The following LMTK2 variants were observed in gnomAD, a reference collection of about 807,000 sequenced individuals.
The protein encoded by LMTK2 is lemur tail kinase 2.
A neutral mutation model predicts 127.5 loss-of-function variants in LMTK2; 37 were observed. The ratio of observed to expected loss-of-function variants is 0.29; its 90% CI spans 0.22 to 0.38. LMTK2 has a LOEUF of 0.38. LMTK2 is among the 10% of genes least tolerant of loss of function. The pLI is 1.00. For synonymous variants in LMTK2, 819 were observed against 810.1 expected, an observed-to-expected ratio of 1.01 and a Z score of -0.19; for missense variants, 1,694 against 1,920.3, an observed-to-expected ratio of 0.88 and a Z score of 2.20.
At chr7:98,203,463 C>T (rs1467328024) in intron 11 of LMTK2, 111 bp from the exon 12 acceptor site, 16 of 1,373,988 alleles carry the variant, frequency 1.2e-5, no homozygotes, top group Middle Eastern at 1.9e-4. Flanking sequence ...TGTCTTGAGA[C>T]GCTTACTTCT....
intron 4 of LMTK2, among the ~76,000 whole-genome samples, chr7:98,152,333 G>A (rs10270280): frequency 0.12 from 18,593 of 152,176 alleles, 1,739 homozygotes; most frequent in African/African-American, 0.26. Context: ...GGATTACATC[G>A]TAAGCAGGAT....
chr7:98,130,367 C>T (rs890804927), intron 1 of LMTK2, among the ~76,000 whole-genome samples: 1 of 152,190 alleles, frequency 6.6e-6, no homozygotes, highest in Non-Finnish European at 1.5e-5. Context: ...ATATAGCACA[C>T]TCTGTCCCCC....
In LMTK2 at chr7:98,191,592, T is replaced by G. The variant is rs1306269464; in HGVS notation, c.1149-22T>G. 3 of 1,534,946 alleles carry G rather than the reference T, an allele frequency of 2.0e-6. No individual in the cohort carries two copies. In the African/African-American group the frequency reaches 4.2e-5, roughly 21 times the overall value. Reference sequence around the variant, plus strand: ...AAAAAATTCGTGATGGTTCCACTGATTGCTTGTCGTGTGCTGCTCAGGTAT... The same window carrying G: ...AAAAAATTCGTGATGGTTCCACTGAGTGCTTGTCGTGTGCTGCTCAGGTAT... On this transcript the variant is annotated intron_variant, in intron 10 of 13. Coordinates refer to ENST00000297293, the MANE Select transcript of LMTK2 (RefSeq NM_014916.4).
intron 9 of LMTK2, among the ~76,000 whole-genome samples, chr7:98,187,466 CTT>C (rs979400558): frequency 6.8e-6 from 1 of 147,910 alleles, no homozygotes. Flanking sequence ...TGTTGTCCTG[CTT>C]TTTTTTTTCT....
intron 1 of LMTK2, among the ~76,000 whole-genome samples, chr7:98,123,162 G>A (rs1333349669): frequency 6.6e-6 from 1 of 152,150 alleles, no homozygotes. Flanking sequence ...CACATTGTGG[G>A]CTAATGTGCT....
intron 1 of LMTK2, among the ~76,000 whole-genome samples, chr7:98,122,907 C>G (rs1226323511): frequency 6.6e-6 from 1 of 151,970 alleles, no homozygotes; most frequent in African/African-American, 2.4e-5. Context: ...TTCCTGTTTC[C>G]TATCAGCTCT....
At chr7:98,154,247 C>G (rs1011892170) in intron 4 of LMTK2, among the ~76,000 whole-genome samples, 1 of 152,148 alleles carries the variant, frequency 6.6e-6, no homozygotes, top group African/African-American at 2.4e-5. Context: ...GGTAGGAGAT[C>G]AAGGCCGGGT....
Position 98,193,024 on chromosome 7 carries a change from T to C in LMTK2, c.2559T>C (p.Cys853=), listed in dbSNP as rs1413754515. Reference sequence around the variant, plus strand: ...TAGATGTTATTGTCCCGGAGGACTGTCTCCACCAGGACATCAGTCCAGACG... The same window carrying C: ...TAGATGTTATTGTCCCGGAGGACTGCCTCCACCAGGACATCAGTCCAGACG... ...TCLDVIVPED[C]LHQDISPDAV... is the part of the protein sequence containing the mutation. Residue 853 remains cysteine (C), a synonymous_variant, in exon 11 of 14, where the codon TGT becomes TGC. Coordinates refer to ENST00000297293, the MANE Select transcript of LMTK2 (RefSeq NM_014916.4). This position sits in a 1 kb window ranked among gnomAD's most constrained non-coding sequence, Gnocchi z 4.1. 10 of 1,613,726 alleles carry C rather than the reference T, an allele frequency of 6.2e-6. No homozygotes were observed. Among genetic ancestry groups the C allele is most frequent in the Non-Finnish European group, 7.6e-6 (9 of 1,179,870 alleles).
chr7:98,149,851 G>A (rs544383336), intron 3 of LMTK2, among the ~76,000 whole-genome samples: 13 of 152,284 alleles, frequency 8.5e-5, no homozygotes, highest in African/African-American at 2.9e-4. Context: ...AAGTCTAGCC[G>A]TGGACTGGGA....
In LMTK2 at chr7:98,192,080, G is replaced by A; in HGVS notation, c.1615G>A (p.Val539Ile). ...CCTGAGGGTCCCTGGAGTGGTTCCT[G>A]TTTTTGATGCCCACAACCTTTCTGT... ...VPLRVPGVVP[V>I]FDAHNLSVGS... The change falls in exon 11 of 14, where the codon GTT becomes ATT. Residue 539 changes from valine to isoleucine, a missense_variant. Transcript: ENST00000297293. 1 of 1,572,602 alleles carries A rather than the reference G, an allele frequency of 6.4e-7. No individual in the cohort carries two copies. Among genetic ancestry groups the A allele is most frequent in the Admixed American group, 1.9e-5 (1 of 53,376 alleles).
At chr7:98,131,788 C>T (rs1164820069) in intron 1 of LMTK2, among the ~76,000 whole-genome samples, 2 of 152,156 alleles carry the variant, frequency 1.3e-5, no homozygotes, top group Admixed American at 1.3e-4. Flanking sequence ...GTTTCCTGAT[C>T]CCTATTACCC....
chr7:98,114,530 C>T (rs1347964475), intron 1 of LMTK2, among the ~76,000 whole-genome samples: 2 of 152,276 alleles, frequency 1.3e-5, no homozygotes, highest in East Asian at 3.9e-4. Context: ...CAGGCATGAG[C>T]CACTGCACCT....
intron 3 of LMTK2, among the ~76,000 whole-genome samples, chr7:98,151,172 G>T (rs1396935208): frequency 6.6e-6 from 1 of 152,060 alleles, no homozygotes; most frequent in East Asian, 1.9e-4. Context: ...AATGCGCAAG[G>T]TATTAAAGAA....
chr7:98,152,793 A>C (rs1336462107), intron 4 of LMTK2, among the ~76,000 whole-genome samples: 3 of 152,150 alleles, frequency 2.0e-5, no homozygotes, highest in Non-Finnish European at 2.9e-5. Context: ...TCTGGAAGTC[A>C]TAGAGGGGGA....
chr7:98,192,556 G>A lies in LMTK2; in HGVS notation c.2091G>A (p.Glu697=), dbSNP rs768634549. ...KEKPRKIFDS[E]PLCLSDNLMH... ...AGCCCCGTAAGATTTTTGACAGTGA[G>A]CCTCTCTGCCTATCAGATAATCTTA... The change falls in exon 11 of 14, where the codon GAG becomes GAA. Residue 697 remains glutamate (E), a synonymous_variant. Transcript: ENST00000297293. The A allele has an allele frequency of 1.2e-6, 2 of 1,612,886 alleles. No homozygotes were observed. Among genetic ancestry groups the A allele is most frequent in the Non-Finnish European group, 8.5e-7 (1 of 1,179,806 alleles).
rs1005336088 is a variant in LMTK2 at position 98,194,787 on chromosome 7, G to A, written c.4107+215G>A. On this transcript the variant is annotated intron_variant, in intron 11 of 13. Coordinates refer to ENST00000297293, the MANE Select transcript of LMTK2 (RefSeq NM_014916.4). The surrounding 1 kb of genome is among the most constrained non-coding windows in gnomAD (Gnocchi z 5.4). Reference sequence around the variant, plus strand: ...GTATTAAATTAAGAGAAAGAGACCCGAATGCTCTTCCTGGGTCTTCTAATG... The same window carrying A: ...GTATTAAATTAAGAGAAAGAGACCCAAATGCTCTTCCTGGGTCTTCTAATG... 6.6e-6 allele frequency among the ~76,000 whole-genome samples: 1 copy of A among 152,166 alleles called. No individual in the cohort carries two copies. The highest frequency in any genetic ancestry group is 2.4e-5 in the African/African-American group (1 of 41,438).
chr7:98,194,539 T>C lies in LMTK2; in HGVS notation c.4074T>C (p.Phe1358=). ...AGAAGGAAAAGAAGGCAGTCACGTT[T>C]TTCGATGATGTCACAGTCTACCTGT... ...DWKKEKKAVT[F]FDDVTVYLFD... The change falls in exon 11 of 14, where the codon TTT becomes TTC. Residue 1358 remains phenylalanine, a synonymous_variant. Transcript: ENST00000297293. This position sits in a 1 kb window ranked among gnomAD's most constrained non-coding sequence, Gnocchi z 5.4. The C allele has an allele frequency of 6.2e-7, 1 of 1,609,488 alleles. No individual in the cohort carries two copies. The highest frequency in any genetic ancestry group is 8.5e-7 in the Non-Finnish European group (1 of 1,179,982).
At chr7:98,175,675 C>G (rs549713214) in intron 7 of LMTK2, among the ~76,000 whole-genome samples, 1 of 152,320 alleles carries the variant, frequency 6.6e-6, no homozygotes, top group Admixed American at 6.5e-5. Context: ...TTGCTGAAGG[C>G]AGGGATTGTA....
intron 11 of LMTK2, 64 bp from the exon 12 acceptor site, chr7:98,203,510 C>T (rs765483183): frequency 8.3e-5 from 126 of 1,523,330 alleles, no homozygotes; most frequent in Non-Finnish European, 1.0e-4. Flanking sequence ...AGTGGGGAAG[C>T]GGTCACACGG....
Sources: allele counts gnomAD v4.1 joint callset (sites outside exome capture counted in the v4.1 genomes callset), GRCh38; gene constraint gnomAD v4.1.1; non-coding constraint Gnocchi (gnomAD v3.1); transcripts MANE v1.5; gene names NCBI Gene and HGNC (gene_info 2026-07-23, HGNC 2026-07-21).